The following GPATCH8 variants were observed in gnomAD, a reference collection of about 807,000 sequenced individuals.
The protein encoded by GPATCH8 is G-patch domain containing 8.
A neutral mutation model predicts 118.3 loss-of-function variants in GPATCH8; 18 were observed. The observed-to-expected ratio is 0.15, with a 90% confidence interval of 0.11 to 0.23. GPATCH8 has a LOEUF of 0.23. Ranked by LOEUF, GPATCH8 falls within the 10% of genes least tolerant of loss-of-function variation. GPATCH8 has a pLI of 1.00. For synonymous variants in GPATCH8, 659 were observed against 684.7 expected, an observed-to-expected ratio of 0.96 and a Z score of 0.59; for missense variants, 1,631 against 1,873.8, an observed-to-expected ratio of 0.87 and a Z score of 2.39.
intron 2 of GPATCH8, among the ~76,000 whole-genome samples, chr17:44,472,480 A>G (rs1246418406): frequency 6.6e-6 from 1 of 152,178 alleles, no homozygotes; most frequent in South Asian, 2.1e-4. Flanking sequence ...ATATCATTTA[A>G]TTTAGTGGTT....
At chr17:44,482,523 G>A (rs916738725) in intron 1 of GPATCH8, among the ~76,000 whole-genome samples, 7 of 139,866 alleles carry the variant, frequency 5.0e-5, no homozygotes, top group African/African-American at 1.9e-4. Flanking sequence ...GCAGTGAGCC[G>A]AGATCACACC....
At chr17:44,428,646 T>G (rs995515313) in intron 5 of GPATCH8, among the ~76,000 whole-genome samples, 3 of 150,868 alleles carry the variant, frequency 2.0e-5, no homozygotes, top group African/African-American at 7.3e-5. Flanking sequence ...TTACAAAAAA[T>G]ATAAAAATTA....
chr17:44,417,349 G>A (rs887378865), intron 6 of GPATCH8, among the ~76,000 whole-genome samples: 23 of 152,060 alleles, frequency 1.5e-4, no homozygotes, highest in Non-Finnish European at 2.6e-4. Context: ...CTAGCAGCTG[G>A]GACCACAGGC....
chr17:44,396,489 T>C lies in GPATCH8; in HGVS notation c.*1079A>G, dbSNP rs1012861050. 1 of 454,318 alleles carries C rather than the reference T, an allele frequency of 2.2e-6. No individual in the cohort carries two copies. The highest frequency in any genetic ancestry group is 4.4e-6 in the Non-Finnish European group (1 of 226,720). 28.1% of individuals were successfully genotyped at this position (454,318 alleles called of 1,614,324 possible). ...CAGCAAAAAATGTTTTAACATTTTA[T>C]AGTTCATAACTTCAAAAAATACATA... On this transcript the variant is annotated 3_prime_UTR_variant, in exon 8 of 8. Coordinates refer to ENST00000591680, the MANE Select transcript of GPATCH8 (RefSeq NM_001002909.4).
chr17:44,469,882 T>C (rs1331518995), intron 2 of GPATCH8, among the ~76,000 whole-genome samples: 1 of 152,204 alleles, frequency 6.6e-6, no homozygotes, highest in Non-Finnish European at 1.5e-5. Context: ...AGCAGTCTTA[T>C]AAAGAATTAC....
At chr17:44,439,545 GC>G (rs1004770560) in intron 3 of GPATCH8, among the ~76,000 whole-genome samples, 82 of 152,168 alleles carry the variant, frequency 5.4e-4, no homozygotes, top group African/African-American at 1.9e-3. Context: ...TATTAAAGAG[GC>G]TATAGACCAA....
intron 5 of GPATCH8, among the ~76,000 whole-genome samples, chr17:44,433,433 C>T (rs2050389447): frequency 6.6e-6 from 1 of 152,104 alleles, no homozygotes; most frequent in South Asian, 2.1e-4. Context: ...CCTCAATGCC[C>T]TTTCTGACTA....
intron 5 of GPATCH8, among the ~76,000 whole-genome samples, chr17:44,427,865 T>C (rs1186156530): frequency 6.6e-6 from 1 of 152,166 alleles, no homozygotes; most frequent in Non-Finnish European, 1.5e-5. Flanking sequence ...ACATGGGTAA[T>C]TTCATTAAGT....
At chr17:44,420,392 A>G (rs899874229) in intron 6 of GPATCH8, among the ~76,000 whole-genome samples, 5 of 152,220 alleles carry the variant, frequency 3.3e-5, no homozygotes, top group African/African-American at 1.2e-4. Flanking sequence ...TAATTCTGAT[A>G]GAATAGGGTT....
intron 2 of GPATCH8, among the ~76,000 whole-genome samples, chr17:44,474,035 T>C (rs1351741489): frequency 1.3e-5 from 2 of 152,196 alleles, no homozygotes; most frequent in African/African-American, 2.4e-5. Flanking sequence ...TTTGACTTTT[T>C]TTCCCCACTC....
chr17:44,471,238 A>AT (rs892909345), intron 2 of GPATCH8, among the ~76,000 whole-genome samples: 5 of 152,236 alleles, frequency 3.3e-5, no homozygotes, highest in African/African-American at 1.2e-4. Context: ...GGATTTTGAT[A>AT]TATTTTCAAC....
At chr17:44,466,857 T>C (rs2051785988) in intron 2 of GPATCH8, among the ~76,000 whole-genome samples, 1 of 152,002 alleles carries the variant, frequency 6.6e-6, no homozygotes, top group Non-Finnish European at 1.5e-5. Flanking sequence ...CTCATAACTA[T>C]ATTTGGCACC....
At position 44,395,981 on chromosome 17, in the gene GPATCH8, A is replaced by G. The variant is rs1211318596; in HGVS notation, c.*1587T>C. The G allele has an allele frequency of 2.2e-6, 1 of 454,332 alleles. No homozygotes were observed. Among genetic ancestry groups the G allele is most frequent in the Non-Finnish European group, 4.4e-6 (1 of 226,792 alleles). 28.1% of individuals were successfully genotyped at this position (454,332 alleles called of 1,614,324 possible). On this transcript the variant is annotated 3_prime_UTR_variant, in exon 8 of 8. Transcript: ENST00000591680. ...ATTCCTCTTGTCAGTGTCATGGGAG[A>G]AAAGAAACAAGGAACGTTTACTGTC...
intron 6 of GPATCH8, among the ~76,000 whole-genome samples, chr17:44,414,127 GTGTATATA>G (rs1567955591): frequency 1.0e-3 from 31 of 30,568 alleles, no homozygotes; most frequent in Non-Finnish European, 1.8e-3. Context: ...GTATATATAT[GTGTATATA>G]TATATATGTG....
intron 3 of GPATCH8, among the ~76,000 whole-genome samples, chr17:44,456,692 A>T (rs1183035778): frequency 1.3e-5 from 2 of 152,172 alleles, no homozygotes; most frequent in Non-Finnish European, 2.9e-5. Flanking sequence ...TATGTAATGC[A>T]GGCCTTACCC....
In GPATCH8 at chr17:44,398,960, G is replaced by T. The variant is rs910990835; in HGVS notation, c.3117C>A (p.Phe1039Leu). 2.5e-6 allele frequency: 4 copies of T among 1,614,140 alleles called. No homozygotes were observed. The highest frequency in any genetic ancestry group is 1.3e-5 in the African/African-American group (1 of 75,016). ...KIYRSQSPHY[F>L]RSGRGEGPGK... is the part of the protein sequence containing the mutation. The stretch of plus-strand genomic sequence containing the variant: ...CAGGACCTTCTCCCCGGCCTGATCG[G>T]AAATAGTGGGGGGACTGGGAGCGGT... Residue 1039 changes from phenylalanine to leucine, a missense_variant, in exon 8 of 8, where the codon TTC becomes TTA. Physicochemically the swap from Phe to Leu is conservative, Grantham distance 22. Transcript: ENST00000591680.
At chr17:44,483,176 A>AAAAAATATATAT (rs1555646771) in intron 1 of GPATCH8, among the ~76,000 whole-genome samples, 1 of 12,956 alleles carries the variant, frequency 7.7e-5, no homozygotes, top group African/African-American at 2.3e-4. Flanking sequence ...AAAAAAAAAA[A>AAAAAATATATAT]ATATATATAT....
chr17:44,444,590 T>C (rs959268828), intron 3 of GPATCH8, among the ~76,000 whole-genome samples: 3 of 152,062 alleles, frequency 2.0e-5, no homozygotes, highest in African/African-American at 4.8e-5. Flanking sequence ...CTGGCCAACA[T>C]GGCAAAACCT....
At chr17:44,483,825 T>TTTTTTG (rs1555647136) in intron 1 of GPATCH8, among the ~76,000 whole-genome samples, 5 of 149,112 alleles carry the variant, frequency 3.4e-5, no homozygotes, top group Admixed American at 1.4e-4. Context: ...TTTGGTTGTT[T>TTTTTTG]TTGTTGTTGT....
Sources: gnomAD v4.1 joint callset for allele counts (sites outside exome capture counted in the v4.1 genomes callset) on GRCh38, gnomAD v4.1.1 for gene constraint, MANE v1.5 for transcripts, NCBI Gene and HGNC (gene_info 2026-07-23, HGNC 2026-07-21) for gene names.